ZC3H4: variants seen among roughly 807,000 people sequenced by gnomAD.
ZC3H4 encodes zinc finger CCCH domain-containing protein 4.
In ZC3H4, 13 loss-of-function variants were observed where a neutral mutation model predicts 108.3. That is an observed-to-expected ratio of 0.12 (90% CI 0.08 to 0.19). The LOEUF (loss-of-function observed/expected upper bound fraction) is 0.19, where lower values mean the gene tolerates loss of function less well. ZC3H4 is among the 10% of genes least tolerant of loss of function. The pLI, the probability that ZC3H4 is intolerant of heterozygous loss-of-function variation, is 1.00. For missense variants in ZC3H4, 1,734 were observed against 1,838.8 expected (o/e 0.94, Z 1.04); for synonymous variants, 917 against 749.6 (o/e 1.22, Z -3.65).
chr19:47,109,535 C>T (rs571724599), intron 2 of ZC3H4, among the ~76,000 whole-genome samples: 2 of 152,230 alleles, frequency 1.3e-5, no homozygotes, highest in South Asian at 4.1e-4. Context: ...TTGGGCTGAC[C>T]CAGTGCCCTG....
intron 9 of ZC3H4, among the ~76,000 whole-genome samples, chr19:47,083,320 AAAAG>A (rs1248641703): frequency 2.0e-5 from 3 of 150,148 alleles, no homozygotes; most frequent in South Asian, 2.1e-4. Context: ...TAAAAAAAAA[AAAAG>A]AGAGAGAGAG....
intron 2 of ZC3H4, among the ~76,000 whole-genome samples, chr19:47,098,307 C>A (rs776607690): frequency 2.0e-4 from 31 of 151,222 alleles, no homozygotes; most frequent in Non-Finnish European, 3.5e-4. Flanking sequence ...CTGGCCAACA[C>A]GGCAAAACCT....
At chr19:47,079,751 G>A (rs1232502900) in intron 11 of ZC3H4, among the ~76,000 whole-genome samples, 3 of 152,226 alleles carry the variant, frequency 2.0e-5, no homozygotes, top group Non-Finnish European at 4.4e-5. Flanking sequence ...GCTGGGCGCA[G>A]CGGCATGCGC....
intron 13 of ZC3H4, among the ~76,000 whole-genome samples, chr19:47,070,773 C>T (rs1209993091): frequency 1.3e-5 from 2 of 152,154 alleles, no homozygotes; most frequent in Non-Finnish European, 1.5e-5. Context: ...ACATGGCCGT[C>T]GGAGGGGCAG....
At chr19:47,085,252 ACTAGATTCCAGCAG>A in intron 7 of ZC3H4, 52 bp downstream of exon 7, 1 of 867,002 alleles carries the variant, frequency 1.2e-6, no homozygotes, top group African/African-American at 2.1e-5. Flanking sequence ...CACCCCCAGG[ACTAGATTCCAGCAG>A]CTGCTGGAAT....
rs916722417 is a variant in ZC3H4 at position 47,065,600 on chromosome 19, A to T, written c.*756T>A. 1.3e-5 allele frequency: 2 copies of T among 152,390 alleles called. No individual in the cohort carries two copies. Among genetic ancestry groups the T allele is most frequent in the African/African-American group, 4.8e-5 (2 of 41,258 alleles). 9.4% of individuals were successfully genotyped at this position (152,390 alleles called of 1,614,324 possible). A position where few individuals can be genotyped will look rare whatever the true frequency, so the allele number is the denominator to read the frequency against. ...TGCCTCCTAGAGGTGGCTCTTCAGG[A>T]CTCTGCCCCACACCGGCCCCCACTA... is the stretch of plus-strand genomic sequence containing the variant. On this transcript the variant is annotated 3_prime_UTR_variant, in exon 15 of 15. Transcript: ENST00000253048.
intron 13 of ZC3H4, among the ~76,000 whole-genome samples, chr19:47,071,237 G>A (rs371142101): frequency 9.2e-5 from 14 of 152,122 alleles, no homozygotes; most frequent in African/African-American, 3.4e-4. Flanking sequence ...GTGGCCTCTC[G>A]TGCCTGGCCC....
intron 1 of ZC3H4, chr19:47,113,328 C>CG: frequency 6.5e-6 from 1 of 153,378 alleles, no homozygotes; most frequent in Non-Finnish European, 1.5e-5. Context: ...GAGGAGGCGA[C>CG]GGGGGAGAGC....
chr19:47,067,953 G>T lies in ZC3H4; in HGVS notation c.2399-84C>A, dbSNP rs1198631840. 6.7e-6 allele frequency: 9 copies of T among 1,334,956 alleles called. No individual in the cohort carries two copies. Among genetic ancestry groups the T allele is most frequent in the Non-Finnish European group, 9.3e-6 (9 of 970,074 alleles). 82.7% of individuals were successfully genotyped at this position (1,334,956 alleles called of 1,614,324 possible). A position where few individuals can be genotyped will look rare whatever the true frequency, so the allele number is the denominator to read the frequency against. ...TGGATCCCACAGCAGCCCACCGTGA[G>T]CAGCTCCTTTGCTTGTGCCTCTCAG... On this transcript the variant is annotated intron_variant, in intron 14 of 14. Transcript: ENST00000253048. The surrounding 1 kb of genome is among the most constrained non-coding windows in gnomAD (Gnocchi z 6.4).
chr19:47,067,578 G>A lies in ZC3H4; in HGVS notation c.2690C>T (p.Pro897Leu). ...PSDPRLARAL[P>L]TSKPEGSLHS... ...AAGGCTGCCTTCGGGCTTGGAGGTG[G>A]GCAGGGCGCGAGCCAGCCGAGGATC... Residue 897 changes from proline (P) to leucine (L), a missense_variant, in exon 15 of 15, where the codon CCC (proline) becomes CTC (leucine). Pro to Leu is a moderately conservative substitution (Grantham distance 98). Coordinates refer to ENST00000253048, the MANE Select transcript of ZC3H4 (RefSeq NM_015168.2). This position sits in a 1 kb window ranked among gnomAD's most constrained non-coding sequence, Gnocchi z 6.4. 1 of 1,603,738 alleles carries A rather than the reference G, an allele frequency of 6.2e-7. No homozygotes were observed. Among genetic ancestry groups the A allele is most frequent in the Non-Finnish European group, 8.5e-7 (1 of 1,175,740 alleles).
At chr19:47,112,118 G>C (rs1278150418) in intron 2 of ZC3H4, 8 of 1,068,568 alleles carry the variant, frequency 7.5e-6, no homozygotes, top group Non-Finnish European at 9.0e-6. Flanking sequence ...AGGCGGACGG[G>C]CGCGGGGGGT....
At chr19:47,112,056 A>AGGAC (rs982072518) in intron 2 of ZC3H4, 76 of 925,376 alleles carry the variant, frequency 8.2e-5, no homozygotes, top group Non-Finnish European at 9.1e-5. Context: ...AGGGGCAGCC[A>AGGAC]GGACCCCCGT....
chr19:47,112,498 A>C lies in ZC3H4; in HGVS notation c.87T>G (p.Pro29=), dbSNP rs1460793036. ...GGCGGGCGTCGGGGGAACACGGAGG[A>C]GGCGAAGGCGTTGATGGCGGCGGCG... ...PSPPPPSTPS[P]PPCSPDARPA... is the part of the protein sequence containing the mutation. Residue 29 remains proline (P), a synonymous_variant, in exon 2 of 15, where the codon CCT becomes CCG. Coordinates refer to ENST00000253048, the MANE Select transcript of ZC3H4 (RefSeq NM_015168.2). 30 of 1,131,806 alleles carry C rather than the reference A, an allele frequency of 2.7e-5. No homozygotes were observed. Among genetic ancestry groups the C allele is most frequent in the South Asian group, 1.3e-4 (3 of 23,046 alleles). The allele number at this position is 1,131,806 out of a possible 1,614,324, so 70.1% of individuals were successfully genotyped here. A position where few individuals can be genotyped will look rare whatever the true frequency, so the allele number is the denominator to read the frequency against.
rs1426240862 is a variant in ZC3H4, at chr19:47,066,410, G to C, written c.3858C>G (p.Ser1286=). The C allele has an allele frequency of 1.3e-6, 2 of 1,572,622 alleles. No homozygotes were observed. The highest frequency in any genetic ancestry group is 3.8e-5 in the Admixed American group (2 of 52,442). Residue 1286 remains serine, a synonymous_variant, in exon 15 of 15, where the codon TCC becomes TCG. Transcript: ENST00000253048. The stretch of plus-strand genomic sequence containing the variant: ...CGAAGCCTTTAAAAACATCCTTCAG[G>C]GATGCCGCATCCTGCTCACCCTCGC... ...PAREGEQDAA[S]LKDVFKGFDP... is the part of the protein sequence containing the mutation.
chr19:47,092,964 C>T (rs561814675), intron 4 of ZC3H4, among the ~76,000 whole-genome samples: 25 of 152,190 alleles, frequency 1.6e-4, no homozygotes, highest in South Asian at 1.5e-3. Flanking sequence ...CACCTGTAAT[C>T]CCAGCACTTT....
chr19:47,104,340 C>A (rs2057942278), intron 2 of ZC3H4, among the ~76,000 whole-genome samples: 1 of 151,658 alleles, frequency 6.6e-6, no homozygotes. Context: ...ATAATAATTT[C>A]TTAAAAAGAA....
intron 2 of ZC3H4, among the ~76,000 whole-genome samples, chr19:47,096,052 C>T (rs575976736): frequency 2.4e-4 from 37 of 152,300 alleles, no homozygotes; most frequent in African/African-American, 7.0e-4. Context: ...ACTGTCCTTT[C>T]GCTTATGTCC....
chr19:47,111,837 G>A (rs1439503244), intron 2 of ZC3H4, among the ~76,000 whole-genome samples: 3 of 152,070 alleles, frequency 2.0e-5, no homozygotes, highest in Admixed American at 6.6e-5. Flanking sequence ...TGCCTCCTAA[G>A]CTAAAGTACC....
In ZC3H4 at chr19:47,100,228, G is replaced by A. The variant is rs573371772; in HGVS notation, c.162-5620C>T. 3.3e-5 allele frequency among the ~76,000 whole-genome samples: 5 copies of A among 152,314 alleles called. No individual in the cohort carries two copies. In the East Asian group the frequency reaches 9.6e-4, roughly 29 times the overall value. ...TTCCCTTGAGTTAGGACGTAATGAA[G>A]CAGCCATAGGGGAAACCTCACGGAG... On this transcript the variant is annotated intron_variant, in intron 2 of 14. Coordinates refer to ENST00000253048, the MANE Select transcript of ZC3H4 (RefSeq NM_015168.2).
Sources: allele counts gnomAD v4.1 joint callset (sites outside exome capture counted in the v4.1 genomes callset), GRCh38; gene constraint gnomAD v4.1.1; non-coding constraint Gnocchi (gnomAD v3.1); transcripts MANE v1.5; gene names NCBI Gene and HGNC (gene_info 2026-07-23, HGNC 2026-07-21).